The following SLC12A8 variants were observed in gnomAD, a reference collection of about 807,000 sequenced individuals.
SLC12A8 encodes the protein solute carrier family 12 member 8, also known as cation-chloride cotransporter 9.
A neutral mutation model predicts 75.6 loss-of-function variants in SLC12A8; 69 were observed. That is an observed-to-expected ratio of 0.91 (90% confidence interval 0.75 to 1.11). The LOEUF (loss-of-function observed/expected upper bound fraction) is 1.11, where lower values mean the gene tolerates loss of function less well. SLC12A8 is among the 50% of genes most tolerant of loss of function. The pLI is 0.00. For missense variants in SLC12A8, 877 were observed against 896.7 expected, an observed-to-expected ratio of 0.98 and a Z score of 0.28; for synonymous variants, 365 against 372.8, an observed-to-expected ratio of 0.98 and a Z score of 0.24.
chr3:125,183,595 T>C (rs1934709421), intron 4 of SLC12A8, among the ~76,000 whole-genome samples: 1 of 152,180 alleles, frequency 6.6e-6, no homozygotes, highest in African/African-American at 2.4e-5. Flanking sequence ...ATGTCCTGAA[T>C]ATGCGTTAAC....
intron 2 of SLC12A8, among the ~76,000 whole-genome samples, chr3:125,200,812 A>T (rs956196568): frequency 6.6e-6 from 1 of 152,228 alleles, no homozygotes; most frequent in African/African-American, 2.4e-5. Context: ...AAAAGGAGTC[A>T]TGGCTTTCGG....
intron 10 of SLC12A8, among the ~76,000 whole-genome samples, chr3:125,103,391 A>G (rs1938934385): frequency 6.6e-6 from 1 of 151,346 alleles, no homozygotes; most frequent in Non-Finnish European, 1.5e-5. Flanking sequence ...ATTCTACAGT[A>G]AGGTGCCCCA....
At chr3:125,086,921 T>A (rs1344999077) in intron 13 of SLC12A8, among the ~76,000 whole-genome samples, 1 of 152,188 alleles carries the variant, frequency 6.6e-6, no homozygotes, top group Non-Finnish European at 1.5e-5. Context: ...CCATCTTGAA[T>A]AGATTGGCAA....
At chr3:125,106,092 G>A (rs764477147) in intron 10 of SLC12A8, among the ~76,000 whole-genome samples, 1 of 152,168 alleles carries the variant, frequency 6.6e-6, no homozygotes, top group Non-Finnish European at 1.5e-5. Context: ...ATTAACAGAA[G>A]AAGCATATTT....
intron 5 of SLC12A8, among the ~76,000 whole-genome samples, chr3:125,149,369 G>C (rs1467208): frequency 0.2 from 30,609 of 152,178 alleles, 3,827 homozygotes; most frequent in African/African-American, 0.35. Flanking sequence ...CAGAGCCAGG[G>C]GTCTGGGATT....
chr3:125,186,151 T>TA (rs35218604), intron 4 of SLC12A8, among the ~76,000 whole-genome samples: 31,295 of 136,046 alleles, frequency 0.23, 3,421 homozygotes, highest in African/African-American at 0.29. Context: ...AGCAGAGAAG[T>TA]AAAAAAAAAA....
chr3:125,185,819 A>AGCGACAAACAAAGCACAGGCC (rs1934769366), intron 4 of SLC12A8, among the ~76,000 whole-genome samples: 1 of 152,246 alleles, frequency 6.6e-6, no homozygotes, highest in Non-Finnish European at 1.5e-5. Context: ...AAGCACAGGC[A>AGCGACAAACAAAGCACAGGCC]CTCCAGAGAC....
chr3:125,211,545 G>T, intron 1 of SLC12A8, 151 bp from the exon 2 acceptor site: 1 of 625,226 alleles, frequency 1.6e-6, no homozygotes, highest in Non-Finnish European at 2.9e-6. Context: ...AACTTGGCCG[G>T]GTTACCTTTT....
intron 5 of SLC12A8, among the ~76,000 whole-genome samples, chr3:125,144,885 T>A (rs1933734425): frequency 1.3e-5 from 2 of 151,658 alleles, no homozygotes; most frequent in Non-Finnish European, 2.9e-5. Context: ...AACACACCGA[T>A]ATGTAAGCAG....
intron 4 of SLC12A8, among the ~76,000 whole-genome samples, chr3:125,179,488 A>G (rs1335976331): frequency 6.6e-6 from 1 of 152,224 alleles, no homozygotes. Flanking sequence ...CAAAAGGGTA[A>G]TACAACTTCT....
intron 5 of SLC12A8, among the ~76,000 whole-genome samples, chr3:125,177,417 C>T (rs898812978): frequency 2.2e-4 from 34 of 151,638 alleles, no homozygotes; most frequent in South Asian, 8.3e-4. Context: ...GGCACATGTA[C>T]ACATATGTAA....
intron 5 of SLC12A8, 112 bp downstream of exon 5, chr3:125,177,631 A>AGGTAAAGCCTAT (rs143015454): frequency 0.12 from 86,354 of 747,786 alleles, 6,077 homozygotes; most frequent in East Asian, 0.23. Context: ...CACCAATTGT[A>AGGTAAAGCCTAT]GGTAAAGCCT....
intron 8 of SLC12A8, 140 bp from the exon 9 acceptor site, chr3:125,110,475 T>C: frequency 1.4e-6 from 1 of 713,990 alleles, no homozygotes; most frequent in Non-Finnish European, 2.2e-6. Context: ...AGTTTCCACA[T>C]CCCCAGCCTC....
intron 7 of SLC12A8, chr3:125,119,968 CA>C (rs1261171565): frequency 4.4e-6 from 2 of 453,850 alleles, no homozygotes; most frequent in Non-Finnish European, 8.9e-6. Context: ...GTGTGGGTGG[CA>C]CAGTGTGAAC....
At chr3:125,209,432 T>C (rs1935293294) in intron 2 of SLC12A8, among the ~76,000 whole-genome samples, 1 of 152,206 alleles carries the variant, frequency 6.6e-6, no homozygotes. Flanking sequence ...GCTATTATCA[T>C]TTTCTCACCC....
intron 2 of SLC12A8, among the ~76,000 whole-genome samples, chr3:125,208,210 C>G (rs1247431884): frequency 6.6e-6 from 1 of 152,200 alleles, no homozygotes. Context: ...CAAACCACTC[C>G]AGACTCACCC....
intron 6 of SLC12A8, among the ~76,000 whole-genome samples, chr3:125,132,836 G>C (rs1020915023): frequency 1.3e-5 from 2 of 152,170 alleles, no homozygotes; most frequent in African/African-American, 4.8e-5. Context: ...GGAATAGCTT[G>C]AAGATCCCCA....
At chr3:125,183,698 G>A (rs1191040089) in intron 4 of SLC12A8, among the ~76,000 whole-genome samples, 2 of 152,150 alleles carry the variant, frequency 1.3e-5, no homozygotes, top group Non-Finnish European at 2.9e-5. Flanking sequence ...AAGCATGTGA[G>A]CCACTAATGA....
intron 2 of SLC12A8, among the ~76,000 whole-genome samples, chr3:125,195,967 A>G (rs1013056697): frequency 3.9e-5 from 6 of 152,176 alleles, no homozygotes; most frequent in South Asian, 2.1e-4. Flanking sequence ...GAGGAGCAAA[A>G]TAGACCCTAA....
Sources: gnomAD v4.1 joint callset for allele counts (sites outside exome capture counted in the v4.1 genomes callset) on GRCh38, gnomAD v4.1.1 for gene constraint, MANE v1.5 for transcripts, NCBI Gene and HGNC (gene_info 2026-07-23, HGNC 2026-07-21) for gene names.